CACNB2: variants seen among roughly 807,000 people sequenced by gnomAD.
CACNB2 encodes the protein calcium voltage-gated channel auxiliary subunit beta 2, also known as voltage-dependent L-type calcium channel subunit beta-2.
Under a neutral mutation model 73.3 loss-of-function variants are expected in CACNB2, and 42 were observed. The observed-to-expected ratio is 0.57, with a 90% CI of 0.45 to 0.74. CACNB2 has a LOEUF of 0.74. Among genes scored for constraint, CACNB2 ranks in the 30% least tolerant of loss-of-function variants. CACNB2 has a pLI of 0.00. For missense variants in CACNB2, 940 were observed against 853.0 expected (o/e 1.10, Z -1.27); for synonymous variants, 348 against 310.3 (o/e 1.12, Z -1.28).
intron 2 of CACNB2, among the ~76,000 whole-genome samples, chr10:18,379,198 A>G (rs968950206): frequency 6.6e-6 from 1 of 151,934 alleles, no homozygotes; most frequent in African/African-American, 2.4e-5. Context: ...AACCACTTCT[A>G]TTTATTTTTA....
chr10:18,171,135 T>C (rs2033195751), intron 2 of CACNB2, among the ~76,000 whole-genome samples: 1 of 152,078 alleles, frequency 6.6e-6, no homozygotes. Flanking sequence ...GCACTGGAGA[T>C]TTTGCAAGTG....
intron 2 of CACNB2, among the ~76,000 whole-genome samples, chr10:18,227,037 C>T (rs1779207): frequency 0.53 from 81,057 of 152,004 alleles, 24,438 homozygotes; most frequent in Middle Eastern, 0.68. Flanking sequence ...ATGACATTAG[C>T]AGCCCACATT....
rs75833755 is a variant in CACNB2 at position 18,311,622 on chromosome 10, A to G, written c.214-90302A>G. On this transcript the variant is annotated intron_variant, in intron 2 of 13. Coordinates refer to ENST00000324631, the MANE Select transcript of CACNB2 (RefSeq NM_201596.3). ...TTAAAAAAATTATAAGTAAAAAAAT[A>G]TATACTTACTATTCATGAAGAAGAA... is the stretch of plus-strand genomic sequence containing the variant. Among the ~76,000 whole-genome samples, 800 of 152,350 alleles carry G rather than the reference A, an allele frequency of 5.3e-3. 8 individuals are homozygous for G. Among genetic ancestry groups the G allele is most frequent in the African/African-American group, 0.018 (764 of 41,564 alleles).
At chr10:18,260,107 C>T (rs190958934) in intron 2 of CACNB2, among the ~76,000 whole-genome samples, 15 of 152,206 alleles carry the variant, frequency 9.9e-5, no homozygotes, top group Admixed American at 4.6e-4. Flanking sequence ...AAAGATATTG[C>T]GTATTAGAAT....
intron 2 of CACNB2, among the ~76,000 whole-genome samples, chr10:18,348,224 A>T (rs2041550028): frequency 6.6e-6 from 1 of 152,252 alleles, no homozygotes; most frequent in Admixed American, 6.5e-5. Context: ...TCTGCATTGT[A>T]GACATAAATA....
At chr10:18,345,560 TCTTC>T (rs1480660280) in intron 2 of CACNB2, among the ~76,000 whole-genome samples, 2 of 152,198 alleles carry the variant, frequency 1.3e-5, no homozygotes, top group Non-Finnish European at 2.9e-5. Context: ...TGGGGGAGCT[TCTTC>T]CTTCTTTCTT....
intron 2 of CACNB2, among the ~76,000 whole-genome samples, chr10:18,366,503 T>C (rs1188013358): frequency 6.6e-6 from 1 of 150,456 alleles, no homozygotes; most frequent in Non-Finnish European, 1.5e-5. Context: ...CCCAGCACTT[T>C]CTTTGGTTTA....
chr10:18,397,258 G>C (rs868499934), intron 2 of CACNB2, among the ~76,000 whole-genome samples: 4 of 151,978 alleles, frequency 2.6e-5, no homozygotes, highest in Middle Eastern at 3.2e-3. Context: ...CCTGAGGTCA[G>C]GAGTTCAAGA....
At chr10:18,494,379 C>T (rs1409241980) in intron 3 of CACNB2, among the ~76,000 whole-genome samples, 3 of 152,160 alleles carry the variant, frequency 2.0e-5, no homozygotes, top group Non-Finnish European at 4.4e-5. Context: ...CCTGTAATCC[C>T]AGCACTTTGG....
chr10:18,480,412 C>A (rs2048664261), intron 3 of CACNB2, among the ~76,000 whole-genome samples: 1 of 152,144 alleles, frequency 6.6e-6, no homozygotes, highest in Non-Finnish European at 1.5e-5. Context: ...TAAGTACCGT[C>A]ATACACAGTG....
At chr10:18,226,000 C>A (rs989344492) in intron 2 of CACNB2, among the ~76,000 whole-genome samples, 3 of 150,246 alleles carry the variant, frequency 2.0e-5, no homozygotes, top group Non-Finnish European at 4.4e-5. Flanking sequence ...ATGAGAGATG[C>A]TTTTTTTTAA....
intron 2 of CACNB2, among the ~76,000 whole-genome samples, chr10:18,303,899 A>G (rs1300088012): frequency 6.6e-6 from 1 of 152,228 alleles, no homozygotes; most frequent in African/African-American, 2.4e-5. Context: ...ATTATGCAAC[A>G]TTATATGAGA....
At chr10:18,190,524 A>G (rs2034349430) in intron 2 of CACNB2, among the ~76,000 whole-genome samples, 1 of 152,236 alleles carries the variant, frequency 6.6e-6, no homozygotes, top group African/African-American at 2.4e-5. Flanking sequence ...GCTGTTAAAA[A>G]TAGTTACTAA....
intron 3 of CACNB2, among the ~76,000 whole-genome samples, chr10:18,465,394 T>C (rs925125766): frequency 2.0e-5 from 3 of 152,126 alleles, no homozygotes; most frequent in African/African-American, 7.2e-5. Context: ...GAATCATCCA[T>C]GATAGGATGT....
chr10:18,275,129 A>G (rs1488826214), intron 2 of CACNB2, among the ~76,000 whole-genome samples: 1 of 152,164 alleles, frequency 6.6e-6, no homozygotes, highest in Non-Finnish European at 1.5e-5. Flanking sequence ...TCAGTCAGTC[A>G]ACCGGGATTT....
At chr10:18,264,516 A>G (rs192647560) in intron 2 of CACNB2, among the ~76,000 whole-genome samples, 114 of 152,272 alleles carry the variant, frequency 7.5e-4, no homozygotes, top group African/African-American at 2.6e-3. Flanking sequence ...TTCCAATTCC[A>G]GCTGTCTCCC....
intron 2 of CACNB2, among the ~76,000 whole-genome samples, chr10:18,347,304 A>G (rs866093405): frequency 2.7e-4 from 40 of 147,798 alleles, no homozygotes; most frequent in African/African-American, 9.7e-4. Context: ...CAGCCTCCTG[A>G]GTAGCTGGGA....
intron 2 of CACNB2, among the ~76,000 whole-genome samples, chr10:18,345,458 C>T (rs888508100): frequency 1.3e-5 from 2 of 152,128 alleles, no homozygotes; most frequent in African/African-American, 2.4e-5. Context: ...ATTAGGCTTC[C>T]TGCATTTAGA....
intron 2 of CACNB2, among the ~76,000 whole-genome samples, chr10:18,285,252 G>T (rs1227761143): frequency 1.3e-5 from 2 of 152,188 alleles, no homozygotes; most frequent in African/African-American, 4.8e-5. Context: ...GTCTAACGTG[G>T]TGAAAGTTAT....
Sources: allele counts gnomAD v4.1 joint callset (sites outside exome capture counted in the v4.1 genomes callset), GRCh38; gene constraint gnomAD v4.1.1; transcripts MANE v1.5; gene names NCBI Gene and HGNC (gene_info 2026-07-23, HGNC 2026-07-21).